The following ZFP64 variants were observed in gnomAD, a reference collection of about 807,000 sequenced individuals.
ZFP64 encodes the protein zinc finger protein 64.
ZFP64 carries 14 observed loss-of-function variants against 51.6 expected under a neutral mutation model. The observed-to-expected ratio is 0.27, with a 90% CI of 0.18 to 0.42. The LOEUF (loss-of-function observed/expected upper bound fraction) is 0.42. ZFP64 is among the 10% of genes least tolerant of loss of function. ZFP64 has a pLI of 1.00. For synonymous variants in ZFP64, 375 were observed against 361.4 expected (o/e 1.04, Z -0.43); for missense variants, 754 against 906.8 (o/e 0.83, Z 2.16).
At chr20:52,144,472 C>T (rs140003578) in intron 5 of ZFP64, among the ~76,000 whole-genome samples, 2,271 of 146,862 alleles carry the variant, frequency 0.015, 60 homozygotes, top group African/African-American at 0.053. Context: ...CCCAGCTATT[C>T]GGGAGGCTGA....
chr20:52,105,470 G>A (rs569402368), intron 5 of ZFP64: 1 of 762,392 alleles, frequency 1.3e-6, no homozygotes, highest in South Asian at 6.9e-5. Context: ...CGCCACCTGG[G>A]AGCTCGTTAG....
At chr20:52,112,173 T>G (rs540298845) in intron 5 of ZFP64, among the ~76,000 whole-genome samples, 61 of 151,332 alleles carry the variant, frequency 4.0e-4, no homozygotes, top group Non-Finnish European at 6.2e-4. Flanking sequence ...AAAAGTGTTC[T>G]GTGTCCCATT....
exon 8 of ZFP64, chr20:52,088,452 G>A (rs1485158600): frequency 6.2e-7 from 1 of 1,614,214 alleles, no homozygotes; most frequent in Non-Finnish European, 8.5e-7. Context: ...TAGGGGCAGA[G>A]CTGGCATTTG....
intron 6 of ZFP64, among the ~76,000 whole-genome samples, chr20:52,098,285 G>GC (rs1259316577): frequency 3.3e-5 from 5 of 152,096 alleles, no homozygotes; most frequent in Admixed American, 6.5e-5. Flanking sequence ...GGCCTCTTAG[G>GC]CCCCCCAGGG....
intron 5 of ZFP64, among the ~76,000 whole-genome samples, chr20:52,158,133 T>C (rs562261695): frequency 3.7e-4 from 56 of 152,238 alleles, no homozygotes; most frequent in Non-Finnish European, 6.2e-4. Context: ...TAAACATATG[T>C]GTGCATGTGT....
chr20:52,186,744 G>A, intron 2 of ZFP64, 88 bp downstream of exon 2: 1 of 1,504,392 alleles, frequency 6.6e-7, no homozygotes, highest in Non-Finnish European at 8.9e-7. Flanking sequence ...GGTGGGCTCT[G>A]GGAATCTATA....
In ZFP64 at chr20:52,152,306, G is replaced by A; in HGVS notation, c.1886C>T (p.Thr629Ile). The change falls in exon 6 of 6, where the codon ACA becomes ATA. Residue 629 changes from threonine to isoleucine, a missense_variant. Coordinates refer to ENST00000216923, the MANE Select transcript of ZFP64 (RefSeq NM_018197.3). The part of the protein sequence containing the change: ...ALIQEGTAEV[T>I]VVSDGGQNIA... ...GTTCTGGCCTCCATCGCTCACCACT[G>A]TCACTTCTGCTGTCCCCTCCTGAAT... 2 of 1,614,164 alleles carry A rather than the reference G, an allele frequency of 1.2e-6. No individual in the cohort carries two copies. The highest frequency in any genetic ancestry group is 1.7e-6 in the Non-Finnish European group (2 of 1,180,020).
intron 5 of ZFP64, among the ~76,000 whole-genome samples, chr20:52,119,576 A>AACACACACACACACAC (rs138828393): frequency 7.5e-6 from 1 of 132,552 alleles, no homozygotes; most frequent in Admixed American, 7.9e-5. Context: ...ATACACACAC[A>AACACACACACACACAC]ACACACACAC....
intron 5 of ZFP64, among the ~76,000 whole-genome samples, chr20:52,116,461 T>A (rs1057057185): frequency 6.6e-6 from 1 of 150,666 alleles, no homozygotes; most frequent in Non-Finnish European, 1.5e-5. Flanking sequence ...TTTTTTTTTT[T>A]AAAGAAAATA....
chr20:52,185,827 C>T (rs755891317), intron 2 of ZFP64, among the ~76,000 whole-genome samples: 4 of 151,298 alleles, frequency 2.6e-5, no homozygotes, highest in Middle Eastern at 3.4e-3. Flanking sequence ...GTGATCCACC[C>T]GCCTTAGCCT....
At chr20:52,157,173 G>C (rs576905079) in intron 5 of ZFP64, among the ~76,000 whole-genome samples, 61 of 152,324 alleles carry the variant, frequency 4.0e-4, no homozygotes, top group Middle Eastern at 3.4e-3. Flanking sequence ...AGAGAATTAA[G>C]AATGGTGAGA....
intron 7 of ZFP64, chr20:52,089,075 C>A (rs770689232): frequency 7.7e-6 from 4 of 517,108 alleles, no homozygotes; most frequent in Non-Finnish European, 1.2e-5. Flanking sequence ...GTGCTGAGGT[C>A]AGAAAAAGAA....
exon 7 of ZFP64, chr20:52,097,378 T>C: frequency 1.9e-6 from 3 of 1,613,028 alleles, no homozygotes; most frequent in Non-Finnish European, 2.5e-6. Flanking sequence ...CCTACCCGTG[T>C]GGATTCTGAG....
At chr20:52,105,239 G>A (rs1455238820) in intron 5 of ZFP64, 9 of 1,337,100 alleles carry the variant, frequency 6.7e-6, no homozygotes, top group Non-Finnish European at 8.6e-6. Context: ...CCGCGACATG[G>A]CGCGAGGACC....
At chr20:52,137,662 T>G (rs1289771075) in intron 5 of ZFP64, among the ~76,000 whole-genome samples, 4 of 152,158 alleles carry the variant, frequency 2.6e-5, no homozygotes, top group African/African-American at 9.7e-5. Context: ...GGAATTTGAA[T>G]GTAAGAGACA....
At chr20:52,103,173 T>C (rs2079071746) in intron 5 of ZFP64, among the ~76,000 whole-genome samples, 1 of 152,182 alleles carries the variant, frequency 6.6e-6, no homozygotes, top group Non-Finnish European at 1.5e-5. Context: ...CAGGTTAGCA[T>C]GGCGAGGGTT....
chr20:52,098,959 G>A (rs1484840037), intron 5 of ZFP64, among the ~76,000 whole-genome samples: 1 of 144,172 alleles, frequency 6.9e-6, no homozygotes, highest in African/African-American at 2.6e-5. Flanking sequence ...CCGAGATCAT[G>A]CCACTGCACT....
chr20:52,165,845 G>T lies in ZFP64; in HGVS notation c.448+19C>A. 6.2e-7 allele frequency: 1 copy of T among 1,613,914 alleles called. No homozygotes were observed. The highest frequency in any genetic ancestry group is 1.1e-5 in the South Asian group (1 of 91,076). On this transcript the variant is annotated intron_variant, in intron 3 of 5. Transcript: ENST00000216923. ...AATATCACACCCTCTACACAAGTAGGACATAATGCTGCCTTTACCTGGATA... is the reference window on the plus strand; with the variant it reads ...AATATCACACCCTCTACACAAGTAGTACATAATGCTGCCTTTACCTGGATA...
intron 5 of ZFP64, among the ~76,000 whole-genome samples, chr20:52,129,846 A>G (rs573217714): frequency 1.3e-5 from 2 of 152,302 alleles, no homozygotes; most frequent in East Asian, 1.9e-4. Flanking sequence ...CTGTGTCACC[A>G]CCATGGTATG....
Sources: gnomAD v4.1 joint callset for allele counts (sites outside exome capture counted in the v4.1 genomes callset) on GRCh38, gnomAD v4.1.1 for gene constraint, MANE v1.5 for transcripts, NCBI Gene and HGNC (gene_info 2026-07-23, HGNC 2026-07-21) for gene names.